MCM2: variants seen among roughly 807,000 people sequenced by gnomAD.
The protein encoded by MCM2 is DNA replication licensing factor MCM2.
Under a neutral mutation model 86.4 loss-of-function variants are expected in MCM2, and 49 were observed. The ratio of observed to expected loss-of-function variants is 0.57; its 90% CI spans 0.45 to 0.72. The LOEUF is 0.72. Among genes scored for constraint, MCM2 ranks in the 30% least tolerant of loss-of-function variants. The pLI, the probability that MCM2 is intolerant of heterozygous loss-of-function variation, is 0.00. For missense variants in MCM2, 1,038 were observed against 1,259.9 expected (o/e 0.82, Z 2.67); for synonymous variants, 475 against 484.6 (o/e 0.98, Z 0.26).
At chr3:127,602,628 A>G (rs73861530) in intron 2 of MCM2, among the ~76,000 whole-genome samples, 1 of 152,226 alleles carries the variant, frequency 6.6e-6, no homozygotes, top group African/African-American at 2.4e-5. Context: ...GGAAGAGAGC[A>G]CAGTGCTTTG....
Position 127,612,170 on chromosome 3 carries a change from GGTA to G in MCM2, c.1428+3149_1428+3151del, listed in dbSNP as rs1354983879. On this transcript the variant is annotated intron_variant, in intron 8 of 15. Transcript: ENST00000265056. ...GAGCTGAGGCATAGCTGCCCTTGCA[GGTA>G]GGGCCTGTGTCCCCAGGTTTACCCC... Among the ~76,000 whole-genome samples, 4 of 152,336 alleles carry G rather than the reference GGTA, an allele frequency of 2.6e-5. No homozygotes were observed. The East Asian group carries it at 7.7e-4, about 29-fold the overall frequency.
rs756187589 is a variant in MCM2 at position 127,608,319 on chromosome 3, G to A, written c.1102-63G>A. ...ATCCTGCCTGTTCTCCCTCCTGTTC[G>A]GGGGTCAAGGTTAGGTGACATAGTA... On this transcript the variant is annotated intron_variant, in intron 6 of 15. Coordinates refer to ENST00000265056, the MANE Select transcript of MCM2 (RefSeq NM_004526.4). The A allele has an allele frequency of 2.2e-5, 35 of 1,585,374 alleles. No homozygotes were observed. Among genetic ancestry groups the A allele is most frequent in the Admixed American group, 5.1e-5 (3 of 58,576 alleles).
At position 127,622,254 on chromosome 3, in the gene MCM2, G is replaced by A. The variant is rs1419752366; in HGVS notation, c.*481G>A. ...GTGCCCCTGTGGTGGAAGAGGGCAC[G>A]ACAGTGCCAGCGCAGCGTTCTGGGC... is the stretch of plus-strand genomic sequence containing the variant. On this transcript the variant is annotated 3_prime_UTR_variant, in exon 16 of 16. Transcript: ENST00000265056. 4 of 155,390 alleles carry A rather than the reference G, an allele frequency of 2.6e-5. No homozygotes were observed. The highest frequency in any genetic ancestry group is 2.0e-4 in the South Asian group (1 of 5,054). The allele number at this position is 155,390 out of a possible 1,614,324, so 9.6% of individuals were successfully genotyped here.
At position 127,618,211 on chromosome 3, in the gene MCM2, T is replaced by A. The variant is rs1024697403; in HGVS notation, c.2013+130T>A. The A allele has an allele frequency of 1.1e-5, 8 of 702,700 alleles. 1 individual carries two copies. The highest frequency in any genetic ancestry group is 4.8e-4 in the Middle Eastern group (2 of 4,168). The allele number at this position is 702,700 out of a possible 1,614,324, so 43.5% of individuals were successfully genotyped here. On this transcript the variant is annotated intron_variant, in intron 12 of 15. Coordinates refer to ENST00000265056, the MANE Select transcript of MCM2 (RefSeq NM_004526.4). The surrounding 1 kb of genome is among the most constrained non-coding windows in gnomAD (Gnocchi z 4.0). ...GCCATAGGCTGTTTTCTAGTCCTGT[T>A]CCCTCGGTCTCTTCTCATGTCCAGA...
At chr3:127,613,449 A>C (rs972315764) in intron 8 of MCM2, among the ~76,000 whole-genome samples, 1 of 152,312 alleles carries the variant, frequency 6.6e-6, no homozygotes, top group South Asian at 2.1e-4. Context: ...TAATTTCTAG[A>C]TAGCAATGTT....
intron 8 of MCM2, among the ~76,000 whole-genome samples, chr3:127,612,757 G>T (rs912801181): frequency 6.6e-6 from 1 of 152,262 alleles, no homozygotes; most frequent in South Asian, 2.1e-4. Context: ...CTGTTTGCTG[G>T]GTGCGGAGAC....
intron 13 of MCM2, among the ~76,000 whole-genome samples, chr3:127,619,614 G>A (rs1218190691): frequency 1.3e-5 from 2 of 152,152 alleles, no homozygotes; most frequent in African/African-American, 2.4e-5. Flanking sequence ...GGGAGGCGGA[G>A]GGTGCAGTGA....
intron 8 of MCM2, among the ~76,000 whole-genome samples, chr3:127,609,541 C>A (rs1411295502): frequency 6.6e-6 from 1 of 151,978 alleles, no homozygotes; most frequent in Non-Finnish European, 1.5e-5. Flanking sequence ...AAACTCCTGG[C>A]TCAAGATCCT....
intron 8 of MCM2, among the ~76,000 whole-genome samples, chr3:127,609,927 C>T (rs1159424760): frequency 6.9e-6 from 1 of 145,132 alleles, no homozygotes; most frequent in Non-Finnish European, 1.5e-5. Flanking sequence ...TCACTACAGC[C>T]TCTGCCTCCT....
intron 13 of MCM2, 69 bp from the exon 14 acceptor site, chr3:127,620,629 T>C: frequency 6.7e-7 from 1 of 1,492,144 alleles, no homozygotes; most frequent in Non-Finnish European, 9.0e-7. Flanking sequence ...GTGCTAAGAG[T>C]GCCGCTGCTT....
chr3:127,602,018 G>GT (rs1047145684), intron 2 of MCM2, among the ~76,000 whole-genome samples: 7 of 152,098 alleles, frequency 4.6e-5, no homozygotes, highest in Middle Eastern at 3.2e-3. Flanking sequence ...GTTGTAAGAG[G>GT]TTTTTTACAT....
chr3:127,612,753 G>C (rs990787217), intron 8 of MCM2, among the ~76,000 whole-genome samples: 3 of 152,180 alleles, frequency 2.0e-5, no homozygotes, highest in Admixed American at 6.5e-5. Context: ...ATCCCTGTTT[G>C]CTGGGTGCGG....
chr3:127,620,984 C>T (rs1328982039), intron 14 of MCM2, 89 bp from the exon 15 acceptor site: 4 of 1,575,566 alleles, frequency 2.5e-6, no homozygotes, highest in Non-Finnish European at 3.5e-6. Flanking sequence ...GAGCGGCAGC[C>T]TGTCTGACCT....
intron 2 of MCM2, among the ~76,000 whole-genome samples, chr3:127,603,168 T>C (rs2074317372): frequency 6.6e-6 from 1 of 151,234 alleles, no homozygotes; most frequent in Admixed American, 6.6e-5. Context: ...GCCCAAGTAA[T>C]TTTTGTATTT....
In MCM2 at chr3:127,608,919, A is replaced by T; in HGVS notation, c.1324A>T (p.Asn442Tyr). ...TGTCTTTGCCACTGTCATCCTAGCC[A>T]ACCACGTGGCCAAGAAGGACAACAA... The part of the protein sequence containing the change: ...FPVFATVILA[N>Y]HVAKKDNKVA... The change falls in exon 8 of 16, where the codon AAC becomes TAC. Residue 442 changes from asparagine to tyrosine, a missense_variant. Around this residue, in one of 4 missense-constraint regions of MCM2, gnomAD observed 399 missense variants for 507.2 expected, o/e 0.79. Transcript: ENST00000265056. The T allele has an allele frequency of 6.2e-7, 1 of 1,614,106 alleles. No individual in the cohort carries two copies. The highest frequency in any genetic ancestry group is 8.5e-7 in the Non-Finnish European group (1 of 1,180,000).
chr3:127,609,111 C>T, intron 8 of MCM2, 88 bp downstream of exon 8: 2 of 1,366,154 alleles, frequency 1.5e-6, no homozygotes, highest in Non-Finnish European at 2.0e-6. Flanking sequence ...CTAGGGCTCA[C>T]TGCTCAAACC....
Position 127,604,957 on chromosome 3 carries a change from G to C in MCM2, c.474G>C (p.Thr158=). 6.2e-7 allele frequency: 1 copy of C among 1,606,594 alleles called. No homozygotes were observed. Among genetic ancestry groups the C allele is most frequent in the African/African-American group, 1.3e-5 (1 of 74,886 alleles). The part of the protein sequence containing the change: ...ARKRRQVERA[T]EDGEEDEEMI... ...AGCGCCGCCAGGTGGAGCGGGCCAC[G>C]GAGGACGGCGAGGAGGACGAGGAGA... Residue 158 remains threonine (T), a synonymous_variant, in exon 4 of 16, where the codon ACG becomes ACC. Transcript: ENST00000265056.
In MCM2 at chr3:127,598,435, G is replaced by T. The variant is rs375179722; in HGVS notation, c.-32G>T. 1 of 1,613,534 alleles carries T rather than the reference G, an allele frequency of 6.2e-7. No homozygotes were observed. Among genetic ancestry groups the T allele is most frequent in the South Asian group, 1.1e-5 (1 of 91,048 alleles). ...ACTTTTCGCGCGAAACCTGGTTGTTGCTGTAGTGGCGGAGAGGATCGTGGT... is the reference window on the plus strand; with the variant it reads ...ACTTTTCGCGCGAAACCTGGTTGTTTCTGTAGTGGCGGAGAGGATCGTGGT... On this transcript the variant is annotated 5_prime_UTR_variant, in exon 1 of 16. Transcript: ENST00000265056.
intron 4 of MCM2, 31 bp downstream of exon 4, chr3:127,605,187 C>T (rs1304072211): frequency 1.2e-6 from 2 of 1,600,928 alleles, no homozygotes; most frequent in Non-Finnish European, 1.7e-6. Context: ...CGCCTCAGCC[C>T]CTGTAGCGCC....
Sources: gnomAD v4.1 joint callset for allele counts (sites outside exome capture counted in the v4.1 genomes callset) on GRCh38, gnomAD v4.1.1 for gene constraint, gnomAD v4.1.1 regional missense constraint, Gnocchi (gnomAD v3.1) non-coding constraint, MANE v1.5 for transcripts, NCBI Gene and HGNC (gene_info 2026-07-23, HGNC 2026-07-21) for gene names.